DDIT3: variants seen among roughly 807,000 people sequenced by gnomAD.
DDIT3 encodes DNA damage-inducible transcript 3 protein.
A neutral mutation model predicts 17.6 loss-of-function variants in DDIT3; 14 were observed. That is an observed-to-expected ratio of 0.80 (90% CI 0.53 to 1.25). DDIT3 has a LOEUF of 1.25. Among genes scored for constraint, DDIT3 ranks in the 50% most tolerant of loss-of-function variants. The probability of loss-of-function intolerance (pLI) is 0.00; values close to 1 mark genes in which losing one functional copy is unlikely to be tolerated. For synonymous variants in DDIT3, 93 were observed against 76.5 expected (o/e 1.22, Z -1.13); for missense variants, 216 against 202.7 (o/e 1.07, Z -0.40).
At chr12:57,517,801 G>T in intron 1 of DDIT3, 48 bp from the exon 2 acceptor site, 1 of 423,890 alleles carries the variant, frequency 2.4e-6, no homozygotes, top group Non-Finnish European at 4.2e-6. Flanking sequence ...AGGGGGAGAG[G>T]CAACTTACTT....
intron 1 of DDIT3, chr12:57,519,350 AT>A: frequency 5.2e-6 from 2 of 387,864 alleles, no homozygotes; most frequent in Admixed American, 3.1e-5. Flanking sequence ...CGTGGCACTT[AT>A]ATTTTGTTTA....
At chr12:57,519,178 T>C (rs940563403) in intron 1 of DDIT3, 4 of 533,492 alleles carry the variant, frequency 7.5e-6, no homozygotes, top group Middle Eastern at 4.5e-4. Flanking sequence ...AAACAGGTCA[T>C]TCCTCTGCTC....
chr12:57,518,187 T>C (rs1193560202), intron 1 of DDIT3, among the ~76,000 whole-genome samples: 3 of 152,178 alleles, frequency 2.0e-5, no homozygotes, highest in Admixed American at 2.0e-4. Context: ...GTATGCATAC[T>C]TGGTCCCTGT....
intron 1 of DDIT3, among the ~76,000 whole-genome samples, chr12:57,520,138 T>A (rs936155598): frequency 6.6e-6 from 1 of 152,330 alleles, no homozygotes; most frequent in African/African-American, 2.4e-5. Flanking sequence ...AGGCCTGAAG[T>A]TGGCTACGGG....
rs767500385 is a variant in DDIT3 at position 57,517,287 on chromosome 12, T to G, written c.120A>C (p.Ser40=). The G allele has an allele frequency of 6.2e-7, 1 of 1,614,002 alleles. No individual in the cohort carries two copies. Among genetic ancestry groups the G allele is most frequent in the South Asian group, 1.1e-5 (1 of 91,052 alleles). The change falls in exon 3 of 4, where the codon TCA becomes TCC. Residue 40 remains serine, a synonymous_variant. Transcript: ENST00000346473. ...TTCTTACCTCTTCATTTCCAGGAGG[T>G]GAAACATAGGTACCCCCATTTTCAT... The part of the protein sequence containing the change: ...SSDENGGTYV[S]PPGNEEEESK...
Position 57,517,717 on chromosome 12 carries a change from TGTG to T in DDIT3, c.-47_-45del, listed in dbSNP as rs749885288. On this transcript the variant is annotated 5_prime_UTR_variant, in exon 2 of 4. Coordinates refer to ENST00000346473, the MANE Select transcript of DDIT3 (RefSeq NM_004083.6). ...TAGGTTAAGTTTACCTGCTTTCAGGTGTGGTGATGTATGAAGATACACTTCCTT... is the reference window on the plus strand; with the variant it reads ...TAGGTTAAGTTTACCTGCTTTCAGGTGTGATGTATGAAGATACACTTCCTT... 2 of 556,488 alleles carry T rather than the reference TGTG, an allele frequency of 3.6e-6. No individual in the cohort carries two copies. The highest frequency in any genetic ancestry group is 6.4e-6 in the Non-Finnish European group (2 of 314,084). The allele number at this position is 556,488 out of a possible 1,614,324, so 34.5% of individuals were successfully genotyped here. A position where few individuals can be genotyped will look rare whatever the true frequency, so the allele number is the denominator to read the frequency against.
In DDIT3 at chr12:57,520,466, G is replaced by T. The variant is rs1413938485; in HGVS notation, c.-129C>A. 5.0e-6 allele frequency: 2 copies of T among 398,482 alleles called. No homozygotes were observed. The highest frequency in any genetic ancestry group is 4.1e-5 in the African/African-American group (2 of 48,606). 24.7% of individuals were successfully genotyped at this position (398,482 alleles called of 1,614,324 possible). ...GATTTTGGCTCTGTCGCTGCCACCC[G>T]CTCATCTTTAACATGATACGCTCAG... is the stretch of plus-strand genomic sequence containing the variant. On this transcript the variant is annotated 5_prime_UTR_variant, in exon 1 of 4. Coordinates refer to ENST00000346473, the MANE Select transcript of DDIT3 (RefSeq NM_004083.6).
At chr12:57,518,930 G>T (rs968781870) in intron 1 of DDIT3, among the ~76,000 whole-genome samples, 2 of 152,194 alleles carry the variant, frequency 1.3e-5, no homozygotes, top group Admixed American at 1.3e-4. Context: ...AAAGTGCTGG[G>T]ATTACAGGTG....
At chr12:57,518,173 T>TG (rs1167933146) in intron 1 of DDIT3, among the ~76,000 whole-genome samples, 1 of 152,160 alleles carries the variant, frequency 6.6e-6, no homozygotes, top group Non-Finnish European at 1.5e-5. Flanking sequence ...TCTGGTCTTG[T>TG]GGGGTATGCA....
At chr12:57,517,538 T>C in intron 2 of DDIT3, 100 bp from the exon 3 acceptor site, 15 of 1,284,646 alleles carry the variant, frequency 1.2e-5, no homozygotes, top group Non-Finnish European at 1.5e-5. Context: ...GTAGGTAAAG[T>C]TGTACTGGAA....
In DDIT3 at chr12:57,517,130, C is replaced by T. The variant is rs1877920217; in HGVS notation, c.189G>A (p.Leu63=). The change falls in exon 4 of 4, where the codon CTG becomes CTA. Residue 63 remains leucine, a synonymous_variant. Coordinates refer to ENST00000346473, the MANE Select transcript of DDIT3 (RefSeq NM_004083.6). ...CTGCTGGTTCTGGCTCCTCCTCAGT[C>T]AGCCAAGCCAGAGAAGCAGGGTCAA... ...TTLDPASLAW[L]TEEEPEPAEV... is the part of the protein sequence containing the mutation. 1.2e-6 allele frequency: 2 copies of T among 1,612,444 alleles called. No homozygotes were observed. The highest frequency in any genetic ancestry group is 1.3e-5 in the African/African-American group (1 of 74,844).
At chr12:57,518,130 T>C (rs1253080805) in intron 1 of DDIT3, among the ~76,000 whole-genome samples, 5 of 149,964 alleles carry the variant, frequency 3.3e-5, no homozygotes, top group African/African-American at 1.3e-4. Context: ...TATTTTTCTT[T>C]TACCTCCAGC....
Position 57,517,331 on chromosome 12 carries a change from G to A in DDIT3, c.76C>T (p.Gln26Ter). The A allele has an allele frequency of 1.2e-6, 2 of 1,613,952 alleles. No homozygotes were observed. Among genetic ancestry groups the A allele is most frequent in the Non-Finnish European group, 1.7e-6 (2 of 1,179,972 alleles). The change falls in exon 3 of 4, where the codon CAA becomes TAA. Residue 26 changes from glutamine to a stop codon, truncating the protein, a stop_gained. Transcript: ENST00000346473. LOFTEE classifies it high-confidence loss of function. ...TTTTCATCTGAAGACAGGACCTCTT[G>A]CAGGTCCTCATACCAGGCTTCCAGC... ...WELEAWYEDL[Q>*]EVLSSDENGG...
rs697221 is a variant in DDIT3 at position 57,517,377 on chromosome 12, G to T, written c.30C>A (p.Phe10Leu). The T allele has an allele frequency of 6.2e-7, 1 of 1,611,982 alleles. No individual in the cohort carries two copies. The highest frequency in any genetic ancestry group is 8.5e-7 in the Non-Finnish European group (1 of 1,179,960). Residue 10 changes from phenylalanine (F) to leucine (L), a missense_variant, in exon 3 of 4, where the codon TTC (phenylalanine) becomes TTA (leucine). Coordinates refer to ENST00000346473, the MANE Select transcript of DDIT3 (RefSeq NM_004083.6). MAAESLPFS[F>L]GTLSSWELEA... is the part of the protein sequence containing the mutation. ...CCAGCTCCCAGCTGGACAGTGTCCC[G>T]AAGGAGAAAGGCAATGACTCAGCTG...
chr12:57,516,825 T>G lies in DDIT3; in HGVS notation c.494A>C (p.Asn165Thr). The G allele has an allele frequency of 1.2e-6, 2 of 1,611,310 alleles. No homozygotes were observed. The highest frequency in any genetic ancestry group is 1.7e-6 in the Non-Finnish European group (2 of 1,179,950). ...TRRALIDRMV[N>T]LHQA The stretch of plus-strand genomic sequence containing the variant: ...CCCAATTGTTCATGCTTGGTGCAGA[T>G]TCACCATTCGGTCAATCAGAGCTCG... Residue 165 changes from asparagine (N) to threonine (T), a missense_variant, in exon 4 of 4, where the codon AAT (asparagine) becomes ACT (threonine). Coordinates refer to ENST00000346473, the MANE Select transcript of DDIT3 (RefSeq NM_004083.6).
Position 57,516,883 on chromosome 12 carries a change from C to T in DDIT3, c.436G>A (p.Glu146Lys), listed in dbSNP as rs112917609. Residue 146 changes from glutamate to lysine, a missense_variant, in exon 4 of 4, where the codon GAG (glutamate) becomes AAG (lysine). Coordinates refer to ENST00000346473, the MANE Select transcript of DDIT3 (RefSeq NM_004083.6). ...EENERLKQEIERLTREVEATR... is the reference protein window; with the variant it reads ...EENERLKQEIKRLTREVEATR... ...GCCTCTACTTCCCTGGTCAGGCGCT[C>T]GATTTCCTGCTTGAGCCGTTCATTC... 3,943 of 1,613,918 alleles carry T rather than the reference C, an allele frequency of 2.4e-3. 12 individuals are homozygous for T. Among genetic ancestry groups the T allele is most frequent in the Non-Finnish European group, 2.9e-3 (3,481 of 1,180,034 alleles).
intron 1 of DDIT3, 79 bp from the exon 2 acceptor site, chr12:57,517,832 C>CT (rs112163748): frequency 0.22 from 78,833 of 365,838 alleles, 2,950 homozygotes; most frequent in East Asian, 0.29. Flanking sequence ...TTTTTTCTTT[C>CT]TTTTTTTTTT....
intron 1 of DDIT3, among the ~76,000 whole-genome samples, chr12:57,518,427 T>C (rs1260331544): frequency 6.6e-6 from 1 of 152,184 alleles, no homozygotes; most frequent in Admixed American, 6.5e-5. Flanking sequence ...ACATTTCCAG[T>C]CTGGACCTCT....
chr12:57,516,887 T>A lies in DDIT3; in HGVS notation c.432A>T (p.Glu144Asp), dbSNP rs748943913. 17 of 1,613,932 alleles carry A rather than the reference T, an allele frequency of 1.1e-5. No homozygotes were observed. The highest frequency in any genetic ancestry group is 1.6e-4 in the Middle Eastern group (1 of 6,084). The change falls in exon 4 of 4, where the codon GAA becomes GAT. Residue 144 changes from glutamate to aspartate, a missense_variant. By Grantham distance (45) the Glu-to-Asp change is conservative. Coordinates refer to ENST00000346473, the MANE Select transcript of DDIT3 (RefSeq NM_004083.6). The stretch of plus-strand genomic sequence containing the variant: ...CTACTTCCCTGGTCAGGCGCTCGAT[T>A]TCCTGCTTGAGCCGTTCATTCTCTT... ...LAEENERLKQ[E>D]IERLTREVEA...
Sources: allele counts gnomAD v4.1 joint callset (sites outside exome capture counted in the v4.1 genomes callset), GRCh38; gene constraint gnomAD v4.1.1; transcripts MANE v1.5; gene names NCBI Gene and HGNC (gene_info 2026-07-23, HGNC 2026-07-21).